The following GRID2 variants were observed in gnomAD, a reference collection of about 807,000 sequenced individuals.
GRID2 encodes glutamate ionotropic receptor delta type subunit 2.
A neutral mutation model predicts 114.8 loss-of-function variants in GRID2; 33 were observed. That is an observed-to-expected ratio of 0.29 (90% CI 0.22 to 0.38). The LOEUF is 0.38. Ranked by LOEUF, GRID2 falls within the 10% of genes least tolerant of loss-of-function variation. The probability of loss-of-function intolerance (pLI) is 1.00; values close to 1 mark genes in which losing one functional copy is unlikely to be tolerated. For synonymous variants in GRID2, 505 were observed against 449.9 expected, an observed-to-expected ratio of 1.12 and a Z score of -1.55; for missense variants, 1,184 against 1,257.7, an observed-to-expected ratio of 0.94 and a Z score of 0.89.
intron 2 of GRID2, among the ~76,000 whole-genome samples, chr4:92,902,410 T>A (rs1747644832): frequency 6.6e-6 from 1 of 152,048 alleles, no homozygotes; most frequent in Admixed American, 6.5e-5. Flanking sequence ...TTGTTGATTC[T>A]TTGTAATTTT....
chr4:92,947,523 C>A (rs900191105), intron 2 of GRID2, among the ~76,000 whole-genome samples: 14 of 151,640 alleles, frequency 9.2e-5, no homozygotes, highest in African/African-American at 3.1e-4. Context: ...AAAGAATAAA[C>A]TTGCAAAGTT....
intron 2 of GRID2, among the ~76,000 whole-genome samples, chr4:92,687,322 C>T (rs1250290147): frequency 6.6e-6 from 1 of 151,664 alleles, no homozygotes; most frequent in African/African-American, 2.4e-5. Context: ...AATATATATA[C>T]ACAGATAACC....
intron 13 of GRID2, among the ~76,000 whole-genome samples, chr4:93,557,923 G>T (rs977445347): frequency 2.0e-5 from 3 of 152,126 alleles, no homozygotes; most frequent in Non-Finnish European, 4.4e-5. Context: ...TAGAACTCAG[G>T]ATTAAGAAAC....
intron 1 of GRID2, among the ~76,000 whole-genome samples, chr4:92,391,160 AT>A (rs1488252739): frequency 2.9e-4 from 44 of 152,308 alleles, no homozygotes; most frequent in African/African-American, 1.0e-3. Flanking sequence ...AGAATGATTG[AT>A]TAATCTATCA....
chr4:93,014,079 A>C (rs1293640342), intron 2 of GRID2, among the ~76,000 whole-genome samples: 1 of 152,110 alleles, frequency 6.6e-6, no homozygotes, highest in Admixed American at 6.6e-5. Context: ...GAAAGGGAAT[A>C]AATTAATTCT....
At chr4:92,310,604 A>AT (rs1165869083) in intron 1 of GRID2, among the ~76,000 whole-genome samples, 1 of 152,052 alleles carries the variant, frequency 6.6e-6, no homozygotes. Context: ...TTAAGGTATA[A>AT]TAAAAAAAAG....
At chr4:92,908,337 A>G (rs946082871) in intron 2 of GRID2, among the ~76,000 whole-genome samples, 5 of 152,210 alleles carry the variant, frequency 3.3e-5, no homozygotes, top group Admixed American at 2.0e-4. Context: ...CTGAGTACAC[A>G]TTATGAGTAA....
At chr4:93,337,326 A>G (rs150473666) in intron 8 of GRID2, among the ~76,000 whole-genome samples, 3,459 of 152,296 alleles carry the variant, frequency 0.023, 48 homozygotes, top group Non-Finnish European at 0.034. Context: ...ATTCCTGTCT[A>G]AGGAAGTGGC....
intron 7 of GRID2, among the ~76,000 whole-genome samples, chr4:93,229,359 G>A (rs1260867680): frequency 1.3e-5 from 2 of 152,160 alleles, no homozygotes; most frequent in African/African-American, 4.8e-5. Context: ...GGGCCTTTTT[G>A]TTGACTAGGG....
chr4:93,478,905 G>A (rs567718057), intron 11 of GRID2, among the ~76,000 whole-genome samples: 1 of 152,006 alleles, frequency 6.6e-6, no homozygotes, highest in East Asian at 1.9e-4. Flanking sequence ...TTGCTTATTT[G>A]CAAATAGACC....
chr4:93,439,938 C>A (rs952259925), intron 10 of GRID2, among the ~76,000 whole-genome samples: 3 of 151,940 alleles, frequency 2.0e-5, no homozygotes, highest in African/African-American at 7.3e-5. Flanking sequence ...TCTGACCCAC[C>A]ATTTCCTAGG....
chr4:92,838,345 G>A (rs988539197), intron 2 of GRID2, among the ~76,000 whole-genome samples: 4 of 152,026 alleles, frequency 2.6e-5, no homozygotes, highest in Non-Finnish European at 5.9e-5. Flanking sequence ...TTTACCAGAT[G>A]GGAGTGATGT....
intron 2 of GRID2, among the ~76,000 whole-genome samples, chr4:93,017,820 A>G (rs1722901743): frequency 6.6e-6 from 1 of 150,376 alleles, no homozygotes; most frequent in African/African-American, 2.4e-5. Context: ...AAAAAAAAAA[A>G]AAGAAAAGAA....
chr4:92,489,842 T>G (rs75065027), intron 1 of GRID2, among the ~76,000 whole-genome samples: 1 of 146,674 alleles, frequency 6.8e-6, no homozygotes, highest in Non-Finnish European at 1.5e-5. Flanking sequence ...CGAGACTCCA[T>G]TTAAAAAAAA....
At chr4:92,893,591 C>CT (rs1269489075) in intron 2 of GRID2, among the ~76,000 whole-genome samples, 3 of 151,646 alleles carry the variant, frequency 2.0e-5, no homozygotes, top group Admixed American at 6.6e-5. Context: ...CCATGTGTAA[C>CT]TTTTTTTTTC....
chr4:93,067,664 A>T (rs1728422511), intron 2 of GRID2, among the ~76,000 whole-genome samples: 1 of 152,074 alleles, frequency 6.6e-6, no homozygotes, highest in Admixed American at 6.6e-5. Flanking sequence ...GCTAAGATCA[A>T]GAAAAAGAGA....
chr4:93,198,401 A>T (rs1021626095), intron 4 of GRID2, among the ~76,000 whole-genome samples: 3 of 152,158 alleles, frequency 2.0e-5, no homozygotes, highest in African/African-American at 7.2e-5. Flanking sequence ...AATGAAATGA[A>T]GGAGGGAGCT....
intron 2 of GRID2, among the ~76,000 whole-genome samples, chr4:92,608,181 C>A (rs1294447408): frequency 6.6e-6 from 1 of 151,772 alleles, no homozygotes; most frequent in Non-Finnish European, 1.5e-5. Flanking sequence ...AGTAACTTTT[C>A]TCTCAAGATC....
At chr4:92,990,709 GA>G (rs1371939790) in intron 2 of GRID2, among the ~76,000 whole-genome samples, 1 of 149,690 alleles carries the variant, frequency 6.7e-6, no homozygotes, top group Non-Finnish European at 1.5e-5. Context: ...AATGACTGAA[GA>G]AAAAAAAATG....
Sources: gnomAD v4.1 joint callset for allele counts (sites outside exome capture counted in the v4.1 genomes callset) on GRCh38, gnomAD v4.1.1 for gene constraint, MANE v1.5 for transcripts, NCBI Gene and HGNC (gene_info 2026-07-23, HGNC 2026-07-21) for gene names.